Variants in OSBPL9 observed in about 807,000 individuals in gnomAD.
OSBPL9 encodes the protein oxysterol binding protein like 9, also known as oxysterol-binding protein-related protein 9.
A neutral mutation model predicts 106.6 loss-of-function variants in OSBPL9; 40 were observed. That is an observed-to-expected ratio of 0.38 (90% CI 0.29 to 0.49). The LOEUF (loss-of-function observed/expected upper bound fraction) is 0.49, where lower values mean the gene tolerates loss of function less well. OSBPL9 is among the 20% of genes least tolerant of loss of function. The pLI is 0.97. For synonymous variants in OSBPL9, 269 were observed against 295.4 expected (o/e 0.91, Z 0.92); for missense variants, 609 against 887.2 (o/e 0.69, Z 3.98).
the OSBPL9 span, among the ~76,000 whole-genome samples, chr1:51,545,919 G>A: frequency 0.017 from 2,558 of 152,216 alleles, 30 homozygotes; most frequent in Non-Finnish European, 0.025. Context: ...CTCTAGGAGG[G>A]TTAAAAACAT....
intron 2 of OSBPL9, among the ~76,000 whole-genome samples, chr1:51,611,750 TG>T (rs1414954833): frequency 6.6e-6 from 1 of 151,622 alleles, no homozygotes. Flanking sequence ...GGGTGGGGGG[TG>T]GATCACCTGA....
chr1:51,573,684 T>C (rs1366257716), upstream of OSBPL9, among the ~76,000 whole-genome samples: 1 of 150,250 alleles, frequency 6.7e-6, no homozygotes, highest in Non-Finnish European at 1.5e-5. Context: ...CAGGGTGGCG[T>C]GAGCCTTTAG....
intron 12 of OSBPL9, among the ~76,000 whole-genome samples, chr1:51,771,512 TC>T (rs571937345): frequency 1.9e-3 from 291 of 152,246 alleles, no homozygotes; most frequent in African/African-American, 6.7e-3. Flanking sequence ...CACACACACT[TC>T]CATCGGTAAA....
intron 4 of OSBPL9, among the ~76,000 whole-genome samples, chr1:51,727,647 A>G (rs1423352795): frequency 6.6e-6 from 1 of 152,212 alleles, no homozygotes; most frequent in Non-Finnish European, 1.5e-5. Flanking sequence ...TTATGAAAAT[A>G]TATTGTACAT....
At chr1:51,766,937 G>C (rs1266214219) in intron 12 of OSBPL9, among the ~76,000 whole-genome samples, 1 of 151,926 alleles carries the variant, frequency 6.6e-6, no homozygotes, top group Non-Finnish European at 1.5e-5. Context: ...AATTAGCCAG[G>C]CATGGTGGTA....
In OSBPL9 at chr1:51,623,387, A is replaced by G. The variant is rs566691617; in HGVS notation, c.111+6166A>G. ...ACAGTCAGGACGCAAGGAGTATAGT[A>G]AAGATTTAGGACAATGACAGTGGGA... On this transcript the variant is annotated intron_variant, in intron 1 of 23. Coordinates refer to ENST00000428468, the MANE Select transcript of OSBPL9 (RefSeq NM_024586.6). Among the ~76,000 whole-genome samples, 22 of 152,326 alleles carry G rather than the reference A, an allele frequency of 1.4e-4. 1 individual carries two copies. In the South Asian group the frequency reaches 4.4e-3, roughly 30 times the overall value.
chr1:51,663,344 TA>T (rs931468304), intron 2 of OSBPL9, among the ~76,000 whole-genome samples: 2 of 151,830 alleles, frequency 1.3e-5, no homozygotes, highest in Non-Finnish European at 2.9e-5. Flanking sequence ...TGTAGCTGAC[TA>T]AAAATTTATG....
rs575246719 is a variant in OSBPL9 at position 51,609,543 on chromosome 1, T to C, written c.-352-4762T>C. Reference sequence around the variant, plus strand: ...TTTTTTGGTAGAGACAGGGTCTGGCTATGTTGCCCAGGCTGGTCTCAAACT... The same window carrying C: ...TTTTTTGGTAGAGACAGGGTCTGGCCATGTTGCCCAGGCTGGTCTCAAACT... On this transcript the variant is annotated intron_variant, in intron 2 of 25. Transcript: ENST00000371714. Among the ~76,000 whole-genome samples the C allele has an allele frequency of 2.4e-3, 352 of 148,340 alleles. 4 individuals are homozygous for C. The highest frequency in any genetic ancestry group is 5.2e-4 in the Non-Finnish European group (35 of 67,172).
intron 4 of OSBPL9, among the ~76,000 whole-genome samples, chr1:51,734,116 G>A (rs1665114448): frequency 6.6e-6 from 1 of 152,192 alleles, no homozygotes; most frequent in South Asian, 2.1e-4. Flanking sequence ...ATGAATGAAT[G>A]GTTTGGTTGC....
chr1:51,556,206 G>A, the OSBPL9 span, among the ~76,000 whole-genome samples: 1 of 152,146 alleles, frequency 6.6e-6, no homozygotes, highest in Admixed American at 6.5e-5. Flanking sequence ...GCAGTTAATT[G>A]TCACCCAATA....
At chr1:51,773,411 T>C (rs1439594252) in intron 14 of OSBPL9, among the ~76,000 whole-genome samples, 4 of 152,146 alleles carry the variant, frequency 2.6e-5, no homozygotes, top group Non-Finnish European at 5.9e-5. Context: ...CTCACCACAG[T>C]ACCACAGAGT....
chr1:51,518,799 C>CGCGA, the OSBPL9 span, among the ~76,000 whole-genome samples: 1 of 151,012 alleles, frequency 6.6e-6, no homozygotes, highest in East Asian at 1.9e-4. Flanking sequence ...GGCCGGCCCG[C>CGCGA]GCGAGCTCAA....
At chr1:51,580,695 A>G (rs769175444) in intron 1 of OSBPL9, among the ~76,000 whole-genome samples, 6 of 151,890 alleles carry the variant, frequency 4.0e-5, no homozygotes, top group African/African-American at 7.2e-5. Flanking sequence ...GGAATTCACA[A>G]TCTAATGGGA....
At chr1:51,759,944 A>G (rs1571599291) in intron 9 of OSBPL9, 2 of 152,180 alleles carry the variant, frequency 1.3e-5, no homozygotes, top group South Asian at 2.1e-4. Context: ...TGTGGATTCA[A>G]CCAACCATGG....
chr1:51,767,744 T>C lies in OSBPL9; in HGVS notation c.938+1763T>C, dbSNP rs190469402. 2.6e-5 allele frequency among the ~76,000 whole-genome samples: 4 copies of C among 152,234 alleles called. No homozygotes were observed. In the East Asian group the frequency reaches 7.7e-4, roughly 29 times the overall value. On this transcript the variant is annotated intron_variant, in intron 12 of 23. Transcript: ENST00000428468. Reference sequence around the variant, plus strand: ...ATTGGTTTCTTTTTTTCATTTTGAATGTTAAAACATAAACTATTGAGAAAC... The same window carrying C: ...ATTGGTTTCTTTTTTTCATTTTGAACGTTAAAACATAAACTATTGAGAAAC...
intron 3 of OSBPL9, among the ~76,000 whole-genome samples, chr1:51,697,190 A>G (rs1440171122): frequency 6.6e-6 from 1 of 151,918 alleles, no homozygotes; most frequent in African/African-American, 2.4e-5. Context: ...GAAAGAAAAA[A>G]GAAAAAAGCG....
Position 51,729,647 on chromosome 1 carries a change from C to A in OSBPL9, c.318+15568C>A. On this transcript the variant is annotated intron_variant, in intron 4 of 23. Transcript: ENST00000428468. The surrounding 1 kb of genome is among the most constrained non-coding windows in gnomAD (Gnocchi z 5.1). Reference sequence around the variant, plus strand: ...ACCCCTCCCGCGAGCTGCCAGCTCCCTCGGCCTCTCCACCCAAAACTGGCC... The same window carrying A: ...ACCCCTCCCGCGAGCTGCCAGCTCCATCGGCCTCTCCACCCAAAACTGGCC... The A allele has an allele frequency of 3.2e-6, 1 of 311,728 alleles. No homozygotes were observed. The highest frequency in any genetic ancestry group is 5.4e-6 in the Non-Finnish European group (1 of 183,688). The allele number at this position is 311,728 out of a possible 1,614,324, so 19.3% of individuals were successfully genotyped here. A position where few individuals can be genotyped will look rare whatever the true frequency, so the allele number is the denominator to read the frequency against.
intron 1 of OSBPL9, among the ~76,000 whole-genome samples, chr1:51,637,857 A>G (rs994161956): frequency 3.3e-5 from 5 of 152,238 alleles, no homozygotes; most frequent in Non-Finnish European, 5.9e-5. Flanking sequence ...GGCATTAGAT[A>G]TTGACATCAA....
chr1:51,752,815 C>G, intron 8 of OSBPL9: 1 of 263,940 alleles, frequency 3.8e-6, no homozygotes, highest in Non-Finnish European at 7.8e-6. Flanking sequence ...CTTATTGAAT[C>G]AGGGCCCCAC....
Sources: allele counts gnomAD v4.1 joint callset (sites outside exome capture counted in the v4.1 genomes callset), GRCh38; gene constraint gnomAD v4.1.1; non-coding constraint Gnocchi (gnomAD v3.1); transcripts MANE v1.5; gene names NCBI Gene and HGNC (gene_info 2026-07-23, HGNC 2026-07-21).